The following MACROH2A1 variants were observed in gnomAD, a reference collection of about 807,000 sequenced individuals.
MACROH2A1 encodes core histone macro-H2A.1.
In MACROH2A1, 2 loss-of-function variants were observed where a neutral mutation model predicts 31.6. The ratio of observed to expected loss-of-function variants is 0.06; its 90% confidence interval spans 0.03 to 0.20. The LOEUF (loss-of-function observed/expected upper bound fraction) is 0.20, where lower values mean the gene tolerates loss of function less well. Ranked by LOEUF, MACROH2A1 falls within the 10% of genes least tolerant of loss-of-function variation. The probability of loss-of-function intolerance (pLI) is 1.00; values close to 1 mark genes in which losing one functional copy is unlikely to be tolerated. For missense variants in MACROH2A1, 230 were observed against 474.0 expected (o/e 0.49, Z 4.78); for synonymous variants, 169 against 189.6 (o/e 0.89, Z 0.89).
intron 2 of MACROH2A1, among the ~76,000 whole-genome samples, chr5:135,376,004 T>C (rs1764814204): frequency 2.0e-5 from 3 of 152,086 alleles, no homozygotes; most frequent in Admixed American, 2.0e-4. Context: ...CCAGAATCCA[T>C]TGCCCCCATC....
chr5:135,376,103 C>T (rs1764824807), intron 2 of MACROH2A1, among the ~76,000 whole-genome samples: 1 of 152,172 alleles, frequency 6.6e-6, no homozygotes, highest in South Asian at 2.1e-4. Context: ...TCTCCATCTG[C>T]TTGTCCCAGG....
chr5:135,380,701 TATAA>T (rs1425004077), intron 2 of MACROH2A1, among the ~76,000 whole-genome samples: 1 of 152,210 alleles, frequency 6.6e-6, no homozygotes, highest in Non-Finnish European at 1.5e-5. Flanking sequence ...TTGGCCCAAA[TATAA>T]ATAAGACAGC....
At position 135,366,912 on chromosome 5, in the gene MACROH2A1, C is replaced by T. The variant is rs546686958; in HGVS notation, c.477+2494G>A. Among the ~76,000 whole-genome samples, 4 of 152,268 alleles carry T rather than the reference C, an allele frequency of 2.6e-5. No homozygotes were observed. The East Asian group carries it at 7.7e-4, about 29-fold the overall frequency. ...TGAAGCCACCCAAGTAGAGAGGAGC[C>T]CTAGTGTACAGTCAGGCTCTGGACA... On this transcript the variant is annotated intron_variant, in intron 4 of 8. Coordinates refer to ENST00000511689, the MANE Select transcript of MACROH2A1 (RefSeq NM_138610.3).
At chr5:135,372,801 G>A (rs1275361064) in intron 2 of MACROH2A1, among the ~76,000 whole-genome samples, 2 of 152,184 alleles carry the variant, frequency 1.3e-5, no homozygotes, top group Non-Finnish European at 2.9e-5. Context: ...GAATCCTCAC[G>A]GCAGGAAGGC....
chr5:135,359,857 G>C (rs1762615600), intron 5 of MACROH2A1: 1 of 979,728 alleles, frequency 1.0e-6, no homozygotes, highest in Admixed American at 6.2e-5. Flanking sequence ...GGTCTTAAAA[G>C]CCTTTGCATC....
intron 8 of MACROH2A1, 142 bp from the exon 9 acceptor site, chr5:135,335,283 C>G (rs748152303): frequency 1.6e-6 from 1 of 636,374 alleles, no homozygotes; most frequent in East Asian, 2.7e-5. Flanking sequence ...TCTGCTTGTA[C>G]GCCAGTGTGG....
intron 1 of MACROH2A1, among the ~76,000 whole-genome samples, chr5:135,395,998 C>A (rs1398950821): frequency 1.3e-5 from 2 of 152,166 alleles, no homozygotes; most frequent in Non-Finnish European, 2.9e-5. Context: ...ACACAAATGT[C>A]ATTTACCACA....
chr5:135,368,996 T>A (rs1763855761), intron 4 of MACROH2A1, among the ~76,000 whole-genome samples: 2 of 152,206 alleles, frequency 1.3e-5, no homozygotes, highest in African/African-American at 4.8e-5. Context: ...CATGGCAACA[T>A]GAGAGTTCTG....
chr5:135,352,677 C>T (rs1045864984), intron 6 of MACROH2A1, among the ~76,000 whole-genome samples: 2 of 152,204 alleles, frequency 1.3e-5, no homozygotes, highest in Non-Finnish European at 2.9e-5. Flanking sequence ...AAGTAACCAG[C>T]AGTCAGTTTG....
chr5:135,348,667 T>C (rs543123825), intron 6 of MACROH2A1, among the ~76,000 whole-genome samples: 34 of 152,324 alleles, frequency 2.2e-4, no homozygotes, highest in African/African-American at 7.5e-4. Flanking sequence ...ATCATTGGGA[T>C]TGTAAAAGAT....
intron 5 of MACROH2A1, chr5:135,359,408 C>T: frequency 1.0e-6 from 1 of 985,156 alleles, no homozygotes; most frequent in East Asian, 1.1e-4. Context: ...CAAAAACTTT[C>T]AAATCCCCAG....
chr5:135,350,812 C>G, intron 6 of MACROH2A1: 4 of 1,576,312 alleles, frequency 2.5e-6, no homozygotes, highest in Non-Finnish European at 3.5e-6. Flanking sequence ...CAGCACCCGG[C>G]TAGGCATTAC....
At chr5:135,376,775 T>C (rs1209660093) in intron 2 of MACROH2A1, among the ~76,000 whole-genome samples, 2 of 152,166 alleles carry the variant, frequency 1.3e-5, no homozygotes, top group Non-Finnish European at 2.9e-5. Flanking sequence ...CCAAGTAAAA[T>C]GCTTAGTATA....
chr5:135,350,823 C>G (rs948198834), intron 6 of MACROH2A1: 1 of 1,598,732 alleles, frequency 6.3e-7, no homozygotes. Flanking sequence ...TAGGCATTAC[C>G]TACTTCACCA....
At chr5:135,336,325 C>CCCT (rs1758647470) in intron 8 of MACROH2A1, among the ~76,000 whole-genome samples, 1 of 152,216 alleles carries the variant, frequency 6.6e-6, no homozygotes, top group African/African-American at 2.4e-5. Context: ...ACAGGGGAAA[C>CCCT]CCTCTTGTGA....
intron 5 of MACROH2A1, chr5:135,357,776 A>T (rs1762356587): frequency 1.5e-5 from 15 of 984,148 alleles, no homozygotes; most frequent in South Asian, 4.7e-5. Flanking sequence ...GTGTGTGAAC[A>T]TTGGGCAAAA....
At position 135,343,521 on chromosome 5, in the gene MACROH2A1, C is replaced by T. The variant is rs140384934; in HGVS notation, c.779-87G>A. 3.4e-4 allele frequency: 527 copies of T among 1,565,338 alleles called. 3 individuals are homozygous for T. In the African/African-American group the frequency reaches 5.9e-3, roughly 18 times the overall value. ...CAAACACAGACCCACTCCCCTGCCA[C>T]GGTATATCTTCCTGGGCCCTCCAAT... On this transcript the variant is annotated intron_variant, in intron 7 of 8. Coordinates refer to ENST00000511689, the MANE Select transcript of MACROH2A1 (RefSeq NM_138610.3).
chr5:135,351,169 C>A (rs777726032), intron 6 of MACROH2A1: 4 of 349,972 alleles, frequency 1.1e-5, no homozygotes, highest in Non-Finnish European at 2.1e-5. Flanking sequence ...CACATGAGAT[C>A]ATTTCCAAAG....
At chr5:135,397,756 G>A (rs1423288452) in intron 1 of MACROH2A1, among the ~76,000 whole-genome samples, 3 of 152,202 alleles carry the variant, frequency 2.0e-5, no homozygotes, top group African/African-American at 7.2e-5. Flanking sequence ...CCATTTCAGA[G>A]TTAACACCTC....
Sources: allele counts gnomAD v4.1 joint callset (sites outside exome capture counted in the v4.1 genomes callset), GRCh38; gene constraint gnomAD v4.1.1; transcripts MANE v1.5; gene names NCBI Gene and HGNC (gene_info 2026-07-23, HGNC 2026-07-21).